LINGO1: variants seen among roughly 807,000 people sequenced by gnomAD.
LINGO1 encodes the protein leucine rich repeat and Ig domain containing 1, also known as leucine-rich repeat and immunoglobulin-like domain-containing nogo receptor-interacting protein 1.
In LINGO1, 11 loss-of-function variants were observed where a neutral mutation model predicts 37.3. The observed-to-expected ratio is 0.29, with a 90% confidence interval of 0.19 to 0.49. The LOEUF (loss-of-function observed/expected upper bound fraction) is 0.49. Ranked by LOEUF, LINGO1 falls within the 20% of genes least tolerant of loss-of-function variation. The pLI is 0.99. For missense variants in LINGO1, 585 were observed against 878.2 expected (o/e 0.67, Z 4.22); for synonymous variants, 387 against 403.0 (o/e 0.96, Z 0.48).
intron 1 of LINGO1, among the ~76,000 whole-genome samples, chr15:77,694,270 T>G (rs2075653363): frequency 6.6e-6 from 1 of 151,622 alleles, no homozygotes; most frequent in Non-Finnish European, 1.5e-5. Flanking sequence ...TCCCACCGAT[T>G]CTCTACCTGG....
chr15:77,777,466 C>G (rs112404898), intron 1 of LINGO1, among the ~76,000 whole-genome samples: 7 of 10,992 alleles, frequency 6.4e-4, no homozygotes, highest in Admixed American at 2.6e-3. Context: ...TACACACACG[C>G]ACACACACAC....
At chr15:77,737,798 C>T (rs972942353) in intron 1 of LINGO1, among the ~76,000 whole-genome samples, 2 of 152,086 alleles carry the variant, frequency 1.3e-5, no homozygotes. Context: ...CCTGGCTGTC[C>T]TCCTACACCT....
chr15:77,792,963 G>A (rs1220201277), intron 2 of LINGO1, among the ~76,000 whole-genome samples: 1 of 152,222 alleles, frequency 6.6e-6, no homozygotes, highest in Admixed American at 6.5e-5. Flanking sequence ...AGGGAGGGTG[G>A]CACTAGGGAG....
In LINGO1 at chr15:77,691,996, G is replaced by A. The variant is rs1171975157; in HGVS notation, c.-280-1095C>T. Among the ~76,000 whole-genome samples the A allele has an allele frequency of 2.6e-5, 4 of 152,180 alleles. No homozygotes were observed. In the South Asian group the frequency reaches 8.3e-4, roughly 31 times the overall value. ...GTGTTCAGAGAAAGCAACCACATGC[G>A]TGCTCCTGGCTCCATGGAGAGTGTG... is the stretch of plus-strand genomic sequence containing the variant. On this transcript the variant is annotated intron_variant, in intron 1 of 3. Transcript: ENST00000559893.
intron 1 of LINGO1, among the ~76,000 whole-genome samples, chr15:77,763,506 C>T (rs533400128): frequency 6.6e-6 from 1 of 152,206 alleles, no homozygotes; most frequent in East Asian, 1.9e-4. Context: ...CCACTGCAGG[C>T]TTTGCCCACC....
intron 3 of LINGO1, among the ~76,000 whole-genome samples, chr15:77,674,662 A>C: frequency 6.6e-6 from 1 of 151,162 alleles, no homozygotes; most frequent in Admixed American, 6.6e-5. Context: ...CATCCACCCA[A>C]CTCAGTCTCT....
intron 1 of LINGO1, among the ~76,000 whole-genome samples, chr15:77,749,273 T>C (rs2076347668): frequency 6.6e-6 from 1 of 152,032 alleles, no homozygotes; most frequent in Non-Finnish European, 1.5e-5. Flanking sequence ...GCCTGCTCCA[T>C]TCCAGGCTAC....
chr15:77,818,167 C>T (rs2077063659), intron 1 of LINGO1, among the ~76,000 whole-genome samples: 1 of 152,150 alleles, frequency 6.6e-6, no homozygotes, highest in Non-Finnish European at 1.5e-5. Flanking sequence ...GAGAAGGCTT[C>T]CTAGAGGAGG....
intron 2 of LINGO1, among the ~76,000 whole-genome samples, chr15:77,714,772 A>T (rs1349533314): frequency 6.6e-6 from 1 of 152,174 alleles, no homozygotes; most frequent in Non-Finnish European, 1.5e-5. Flanking sequence ...TTGCCTGGGC[A>T]CGGGGGAGGG....
At chr15:77,744,759 A>C (rs1051535242) in intron 1 of LINGO1, among the ~76,000 whole-genome samples, 2 of 152,204 alleles carry the variant, frequency 1.3e-5, no homozygotes, top group African/African-American at 4.8e-5. Context: ...GAGTACAGCC[A>C]GGATCACAGC....
At chr15:77,617,435 C>A (rs1284001898) in intron 1 of LINGO1, among the ~76,000 whole-genome samples, 2 of 152,136 alleles carry the variant, frequency 1.3e-5, no homozygotes, top group Non-Finnish European at 2.9e-5. Flanking sequence ...GGGTAAAGAC[C>A]CATCCCTGCT....
intron 2 of LINGO1, among the ~76,000 whole-genome samples, chr15:77,732,774 G>C (rs1037503527): frequency 2.0e-5 from 3 of 152,210 alleles, no homozygotes; most frequent in Non-Finnish European, 4.4e-5. Context: ...GTGGCTCCCG[G>C]GTTTGCATAA....
At chr15:77,678,538 GTA>G (rs1167523366) in intron 2 of LINGO1, among the ~76,000 whole-genome samples, 2 of 152,198 alleles carry the variant, frequency 1.3e-5, no homozygotes, top group African/African-American at 4.8e-5. Context: ...TTGCTGCATA[GTA>G]CTCCGTTGTT....
intron 1 of LINGO1, among the ~76,000 whole-genome samples, chr15:77,807,503 T>G (rs1567594848): frequency 6.6e-6 from 1 of 152,154 alleles, no homozygotes; most frequent in Non-Finnish European, 1.5e-5. Flanking sequence ...AATGAATGGA[T>G]GGACATATAA....
intron 3 of LINGO1, chr15:77,646,402 A>G: frequency 4.4e-6 from 2 of 455,214 alleles, no homozygotes; most frequent in South Asian, 3.1e-5. Flanking sequence ...CCCCTCTGTC[A>G]TGGTGATCAA....
At chr15:77,792,022 C>T (rs754941453) in intron 2 of LINGO1, among the ~76,000 whole-genome samples, 12 of 152,168 alleles carry the variant, frequency 7.9e-5, no homozygotes, top group Non-Finnish European at 7.4e-5. Context: ...TCAGATACCA[C>T]CCAGATGCTG....
At chr15:77,721,852 C>G (rs1407828326) in intron 2 of LINGO1, among the ~76,000 whole-genome samples, 3 of 152,132 alleles carry the variant, frequency 2.0e-5, no homozygotes, top group African/African-American at 7.2e-5. Flanking sequence ...CAGCCTGGAG[C>G]AGGTAACTTC....
In LINGO1 at chr15:77,614,962, C is replaced by T. The variant is rs187712243; in HGVS notation, c.945G>A (p.Glu315=). The change falls in exon 2 of 2, where the codon GAG becomes GAA. Residue 315 remains glutamate, a synonymous_variant. Transcript: ENST00000355300. ...CCAGCTGCCCGCCCACCAGCTGGAT[C>T]TCCTGCAGCCGGAGCAGCTCATGCA... ...SMLHELLRLQ[E]IQLVGGQLAV... is the part of the protein sequence containing the mutation. 5.0e-5 allele frequency: 81 copies of T among 1,613,938 alleles called. No individual in the cohort carries two copies. In the East Asian group the frequency reaches 6.7e-4, roughly 13 times the overall value.
intron 1 of LINGO1, among the ~76,000 whole-genome samples, chr15:77,752,383 T>C (rs567877966): frequency 6.6e-6 from 1 of 152,298 alleles, no homozygotes; most frequent in South Asian, 2.1e-4. Flanking sequence ...TATTTCATCA[T>C]CCAAAGCCAA....
Sources: gnomAD v4.1 joint callset for allele counts (sites outside exome capture counted in the v4.1 genomes callset) on GRCh38, gnomAD v4.1.1 for gene constraint, MANE v1.5 for transcripts, NCBI Gene and HGNC (gene_info 2026-07-23, HGNC 2026-07-21) for gene names.